Variants in RALGAPA2 observed in about 807,000 individuals in gnomAD.
RALGAPA2 encodes ral GTPase-activating protein subunit alpha-2.
A neutral mutation model predicts 230.4 loss-of-function variants in RALGAPA2; 139 were observed. The observed-to-expected ratio is 0.60, with a 90% CI of 0.53 to 0.69. RALGAPA2 has a LOEUF of 0.69. Among genes scored for constraint, RALGAPA2 ranks in the 30% least tolerant of loss-of-function variants. RALGAPA2 has a pLI of 0.00. For synonymous variants in RALGAPA2, 847 were observed against 837.8 expected, an observed-to-expected ratio of 1.01 and a Z score of -0.19; for missense variants, 2,163 against 2,276.0, an observed-to-expected ratio of 0.95 and a Z score of 1.01.
At chr20:20,624,705 T>G (rs2066437848) in intron 10 of RALGAPA2, among the ~76,000 whole-genome samples, 1 of 152,184 alleles carries the variant, frequency 6.6e-6, no homozygotes, top group Non-Finnish European at 1.5e-5. Context: ...AGTTCAAAAG[T>G]GATTCTAACA....
At chr20:20,399,036 G>C (rs1448578954) in intron 38 of RALGAPA2, among the ~76,000 whole-genome samples, 2 of 152,150 alleles carry the variant, frequency 1.3e-5, no homozygotes, top group Non-Finnish European at 2.9e-5. Context: ...CTCCACGGTG[G>C]GGTGATAATG....
intron 37 of RALGAPA2, among the ~76,000 whole-genome samples, chr20:20,439,863 GA>G (rs1269643126): frequency 6.6e-6 from 1 of 152,178 alleles, no homozygotes; most frequent in South Asian, 2.1e-4. Context: ...GTGCTAATGG[GA>G]TGAAGCATTT....
chr20:20,508,685 T>C (rs1239433248), intron 33 of RALGAPA2, among the ~76,000 whole-genome samples: 1 of 152,232 alleles, frequency 6.6e-6, no homozygotes, highest in African/African-American at 2.4e-5. Context: ...TAAATGAAAG[T>C]TGACAGACAA....
At chr20:20,497,230 T>C (rs1248583566) in intron 35 of RALGAPA2, among the ~76,000 whole-genome samples, 2 of 152,230 alleles carry the variant, frequency 1.3e-5, no homozygotes, top group African/African-American at 4.8e-5. Context: ...TCCTTTTTAA[T>C]AAAACATGCA....
chr20:20,655,462 A>C (rs1279302064), intron 3 of RALGAPA2, among the ~76,000 whole-genome samples: 1 of 152,164 alleles, frequency 6.6e-6, no homozygotes, highest in African/African-American at 2.4e-5. Context: ...GACTTAGAAG[A>C]TGAATTAAAT....
chr20:20,606,830 C>G (rs1201933305), intron 14 of RALGAPA2, among the ~76,000 whole-genome samples: 1 of 152,190 alleles, frequency 6.6e-6, no homozygotes, highest in African/African-American at 2.4e-5. Flanking sequence ...TGGATATTTC[C>G]TTCCCATAAA....
intron 35 of RALGAPA2, among the ~76,000 whole-genome samples, chr20:20,501,528 C>A (rs530174505): frequency 6.6e-6 from 1 of 152,332 alleles, no homozygotes; most frequent in South Asian, 2.1e-4. Context: ...CTGGATTAGG[C>A]TCTGGCTTAA....
At chr20:20,425,925 T>C (rs1036929023) in intron 37 of RALGAPA2, among the ~76,000 whole-genome samples, 1 of 152,238 alleles carries the variant, frequency 6.6e-6, no homozygotes, top group African/African-American at 2.4e-5. Flanking sequence ...GTGATGCAAC[T>C]GGCTCACTTA....
rs779447182 is a variant in RALGAPA2 at position 20,524,893 on chromosome 20, G to A, written c.3699C>T (p.Leu1233=). The A allele has an allele frequency of 3.1e-6, 5 of 1,605,520 alleles. No individual in the cohort carries two copies. Among genetic ancestry groups the A allele is most frequent in the Admixed American group, 3.4e-5 (2 of 59,110 alleles). ...GTAAAAGAAAAGCAACTGTGGCCAC[G>A]AGGATCTGCATAAAAGATAAATCCC... is the stretch of plus-strand genomic sequence containing the variant. ...TSLPRKMAEI[L]VATVAFLLPS... Residue 1233 remains leucine, a synonymous_variant, in exon 29 of 40, where the codon CTC becomes CTT. Transcript: ENST00000202677.
intron 24 of RALGAPA2, 134 bp from the exon 25 acceptor site, chr20:20,536,918 T>C (rs1269327351): frequency 7.5e-6 from 8 of 1,061,726 alleles, no homozygotes; most frequent in African/African-American, 1.6e-5. Flanking sequence ...CAAGTGCATA[T>C]TTAAGCAAAA....
Position 20,637,502 on chromosome 20 carries a change from CT to C in RALGAPA2, c.667-2del. On this transcript the variant is annotated splice_acceptor_variant, in intron 7 of 39. Transcript: ENST00000202677. LOFTEE classifies it high-confidence loss of function. ...TATTCTTCCACTCCAAGCTCGCAGC[CT>C]TTGGATAATATGTGGAAAAGAACAT... 2 of 1,557,708 alleles carry C rather than the reference CT, an allele frequency of 1.3e-6. No individual in the cohort carries two copies. Among genetic ancestry groups the C allele is most frequent in the Non-Finnish European group, 1.7e-6 (2 of 1,150,226 alleles).
chr20:20,560,130 G>C (rs1404770679), intron 23 of RALGAPA2, among the ~76,000 whole-genome samples: 2 of 152,064 alleles, frequency 1.3e-5, no homozygotes, highest in African/African-American at 4.8e-5. Flanking sequence ...GCCACCAAGA[G>C]CACAGGGCTC....
intron 35 of RALGAPA2, among the ~76,000 whole-genome samples, chr20:20,501,732 A>G (rs552423759): frequency 3.9e-5 from 6 of 152,346 alleles, no homozygotes; most frequent in Admixed American, 3.3e-4. Flanking sequence ...GCCCTATCTC[A>G]GCTTTCAACA....
At chr20:20,509,285 C>G (rs1315012571) in intron 33 of RALGAPA2, among the ~76,000 whole-genome samples, 1 of 152,162 alleles carries the variant, frequency 6.6e-6, no homozygotes, top group Admixed American at 6.5e-5. Context: ...TCAGGTTTTT[C>G]ATTTCTAATG....
intron 20 of RALGAPA2, among the ~76,000 whole-genome samples, chr20:20,574,533 C>T (rs188105550): frequency 6.6e-6 from 1 of 152,118 alleles, no homozygotes; most frequent in African/African-American, 2.4e-5. Flanking sequence ...ACGTCTCCAG[C>T]TTCCTAAAAT....
At chr20:20,458,877 C>T (rs866451099) in intron 37 of RALGAPA2, among the ~76,000 whole-genome samples, 955 of 7,302 alleles carry the variant, frequency 0.13, 30 homozygotes, top group African/African-American at 0.32. Context: ...TATATATATA[C>T]ACACACACAA....
intron 20 of RALGAPA2, among the ~76,000 whole-genome samples, chr20:20,581,566 C>T (rs1271615439): frequency 6.6e-6 from 1 of 152,168 alleles, no homozygotes; most frequent in East Asian, 1.9e-4. Context: ...ATCTCCCCAT[C>T]TCTAAAACAG....
chr20:20,468,963 T>TGTTTG (rs2061480717), intron 37 of RALGAPA2, among the ~76,000 whole-genome samples: 1 of 143,292 alleles, frequency 7.0e-6, no homozygotes, highest in African/African-American at 2.5e-5. Flanking sequence ...GTGTGTGTGT[T>TGTTTG]TGTGTGTGTG....
intron 36 of RALGAPA2, among the ~76,000 whole-genome samples, chr20:20,477,638 T>A (rs1476261063): frequency 2.0e-5 from 3 of 152,178 alleles, no homozygotes; most frequent in Admixed American, 6.5e-5. Flanking sequence ...TAGGCTAGAG[T>A]GCAGTGGCTC....
Sources: allele counts gnomAD v4.1 joint callset (sites outside exome capture counted in the v4.1 genomes callset), GRCh38; gene constraint gnomAD v4.1.1; transcripts MANE v1.5; gene names NCBI Gene and HGNC (gene_info 2026-07-23, HGNC 2026-07-21).